AQR: variants seen among roughly 807,000 people sequenced by gnomAD.
AQR encodes the protein aquarius intron-binding spliceosomal factor.
Under a neutral mutation model 180.5 loss-of-function variants are expected in AQR, and 61 were observed. The ratio of observed to expected loss-of-function variants is 0.34; its 90% confidence interval spans 0.28 to 0.42. The LOEUF (loss-of-function observed/expected upper bound fraction) is 0.42, where lower values mean the gene tolerates loss of function less well. AQR is among the 10% of genes least tolerant of loss of function. AQR has a pLI of 1.00. For missense variants in AQR, 1,281 were observed against 1,798.3 expected (o/e 0.71, Z 5.20); for synonymous variants, 551 against 588.8 (o/e 0.94, Z 0.93).
intron 27 of AQR, among the ~76,000 whole-genome samples, chr15:34,881,639 G>C (rs924512130): frequency 4.6e-5 from 7 of 152,124 alleles, no homozygotes; most frequent in African/African-American, 1.2e-4. Context: ...TTTATCATAT[G>C]ATGAAACCAT....
chr15:34,884,343 T>C (rs1382276182), intron 26 of AQR, among the ~76,000 whole-genome samples, 182 bp downstream of exon 26: 4 of 151,016 alleles, frequency 2.6e-5, no homozygotes, highest in East Asian at 1.9e-4. Context: ...GAGGTGGAGG[T>C]TGCAGTGAGC....
intron 11 of AQR, among the ~76,000 whole-genome samples, chr15:34,931,801 G>A (rs748936096): frequency 2.0e-4 from 31 of 152,250 alleles, no homozygotes; most frequent in Middle Eastern, 3.4e-3. Context: ...GTGACAGAGC[G>A]AACTGTGTCT....
chr15:34,884,011 C>A (rs939398145), intron 26 of AQR, among the ~76,000 whole-genome samples: 7 of 152,142 alleles, frequency 4.6e-5, no homozygotes, highest in Non-Finnish European at 8.8e-5. Context: ...AATTTCTTGA[C>A]GGAAGCATTC....
At chr15:34,885,066 AT>A (rs1376576338) in intron 25 of AQR, among the ~76,000 whole-genome samples, 1 of 152,338 alleles carries the variant, frequency 6.6e-6, no homozygotes, top group East Asian at 1.9e-4. Context: ...CTTAAAAGAA[AT>A]GTAAAGGAAA....
Position 34,860,164 on chromosome 15 carries a change from A to T in AQR, c.4030-9T>A. 1 of 1,426,186 alleles carries T rather than the reference A, an allele frequency of 7.0e-7. No homozygotes were observed. The highest frequency in any genetic ancestry group is 9.5e-7 in the Non-Finnish European group (1 of 1,057,800). 88.3% of individuals were successfully genotyped at this position (1,426,186 alleles called of 1,614,324 possible). A position where few individuals can be genotyped will look rare whatever the true frequency, so the allele number is the denominator to read the frequency against. ...GATGGTCTCTCTCCATTCTAGAAGA[A>T]GGAAAAAAGAACGTTAAGTATCTAG... On this transcript the variant is annotated splice_polypyrimidine_tract_variant and intron_variant, in intron 33 of 34. Coordinates refer to ENST00000156471, the MANE Select transcript of AQR (RefSeq NM_014691.3).
At position 34,940,958 on chromosome 15, in the gene AQR, T is replaced by C. The variant is rs774338836; in HGVS notation, c.582A>G (p.Arg194=). The change falls in exon 8 of 35, where the codon AGA becomes AGG. Residue 194 remains arginine, a synonymous_variant. Transcript: ENST00000156471. ...TCTTTTTAATCAAGTTCCAGAATTTTCTTAGCTTAGGTGTCTTTTTTAATT... is the reference window on the plus strand; with the variant it reads ...TCTTTTTAATCAAGTTCCAGAATTTCCTTAGCTTAGGTGTCTTTTTTAATT... ...ELELKKTPKL[R]KFWNLIKKND... 7 of 1,611,506 alleles carry C rather than the reference T, an allele frequency of 4.3e-6. No individual in the cohort carries two copies. Among genetic ancestry groups the C allele is most frequent in the Non-Finnish European group, 5.9e-6 (7 of 1,178,906 alleles).
chr15:34,949,053 C>T (rs1451961904), intron 4 of AQR, among the ~76,000 whole-genome samples: 1 of 151,718 alleles, frequency 6.6e-6, no homozygotes, highest in Non-Finnish European at 1.5e-5. Flanking sequence ...AGTACAATGG[C>T]GTAATCTTGG....
chr15:34,898,565 G>T (rs1177011175), intron 20 of AQR, among the ~76,000 whole-genome samples: 6 of 152,180 alleles, frequency 3.9e-5, no homozygotes, highest in Admixed American at 3.3e-4. Context: ...AGGGCCTAAA[G>T]AGGGAGCAGT....
chr15:34,901,333 T>C (rs1893328355), intron 19 of AQR, among the ~76,000 whole-genome samples: 1 of 151,996 alleles, frequency 6.6e-6, no homozygotes, highest in South Asian at 2.1e-4. Context: ...TCAATTGTGA[T>C]GAAACGTCAC....
chr15:34,883,982 G>T (rs1421246671), intron 26 of AQR, among the ~76,000 whole-genome samples: 1 of 152,170 alleles, frequency 6.6e-6, no homozygotes, highest in Admixed American at 6.5e-5. Context: ...TCAAATTCCA[G>T]TTCAAAGAAC....
intron 30 of AQR, among the ~76,000 whole-genome samples, chr15:34,872,001 A>C: frequency 6.6e-6 from 1 of 152,016 alleles, no homozygotes; most frequent in East Asian, 1.9e-4. Flanking sequence ...AAGGCAACCG[A>C]AAGATTACTG....
intron 8 of AQR, 71 bp from the exon 9 acceptor site, chr15:34,938,884 G>C: frequency 9.0e-7 from 1 of 1,110,720 alleles, no homozygotes; most frequent in Non-Finnish European, 1.3e-6. Flanking sequence ...TTTAAATGTT[G>C]ACCACGGCTT....
chr15:34,948,100 C>A, intron 5 of AQR, 164 bp downstream of exon 5: 2 of 704,382 alleles, frequency 2.8e-6, no homozygotes, highest in South Asian at 3.5e-5. Flanking sequence ...GTATTGAAAC[C>A]AAAAGAAAAC....
At chr15:34,860,206 G>A in intron 33 of AQR, 51 bp from the exon 34 acceptor site, 2 of 906,444 alleles carry the variant, frequency 2.2e-6, no homozygotes, top group South Asian at 2.3e-5. Flanking sequence ...AACCCTAGAA[G>A]GTAACACTTC....
rs34623885 is a variant in AQR at position 34,896,543 on chromosome 15, T to TAAAA, written c.2460+350_2460+353dup. Among the ~76,000 whole-genome samples, 1,270 of 135,510 alleles carry TAAAA rather than the reference T, an allele frequency of 9.4e-3. 22 individuals are homozygous for TAAAA. Among genetic ancestry groups the TAAAA allele is most frequent in the African/African-American group, 0.033 (1,227 of 37,360 alleles). 88.9% of individuals were successfully genotyped at this position (135,510 alleles called of 152,430 possible). A position where few individuals can be genotyped will look rare whatever the true frequency, so the allele number is the denominator to read the frequency against. On this transcript the variant is annotated intron_variant, in intron 22 of 34. Coordinates refer to ENST00000156471, the MANE Select transcript of AQR (RefSeq NM_014691.3). ...ACTTACTTCTAGTCTTAATCTATGT[T>TAAAA]AAAAAAAAAAAAAAAAAGGTGTGGC...
chr15:34,906,850 T>C, intron 17 of AQR, 138 bp from the exon 18 acceptor site: 1 of 742,634 alleles, frequency 1.3e-6, no homozygotes, highest in Non-Finnish European at 2.1e-6. Context: ...ATTATCGCAT[T>C]GTAACACAAT....
In AQR at chr15:34,890,207, T is replaced by C. The variant is rs1307211532; in HGVS notation, c.2681+8A>G. On this transcript the variant is annotated splice_region_variant and intron_variant, in intron 24 of 34. Coordinates refer to ENST00000156471, the MANE Select transcript of AQR (RefSeq NM_014691.3). Reference sequence around the variant, plus strand: ...TTTTTACACTGTTACTCACTCCCATTTGCTCACCTGCTGAAATCTTTCTCT... The same window carrying C: ...TTTTTACACTGTTACTCACTCCCATCTGCTCACCTGCTGAAATCTTTCTCT... 1.2e-6 allele frequency: 2 copies of C among 1,608,866 alleles called. No homozygotes were observed. The highest frequency in any genetic ancestry group is 1.7e-6 in the Non-Finnish European group (2 of 1,177,872).
chr15:34,951,451 T>A (rs991830888), intron 4 of AQR, among the ~76,000 whole-genome samples: 1 of 152,072 alleles, frequency 6.6e-6, no homozygotes, highest in African/African-American at 2.4e-5. Context: ...AGGCAGGCAA[T>A]CACAAGTTCA....
At chr15:34,914,752 A>T (rs1392012738) in intron 16 of AQR, among the ~76,000 whole-genome samples, 1 of 151,390 alleles carries the variant, frequency 6.6e-6, no homozygotes. Flanking sequence ...GGTCTGACCT[A>T]CTCCCTCTAC....
Sources: gnomAD v4.1 joint callset for allele counts (sites outside exome capture counted in the v4.1 genomes callset) on GRCh38, gnomAD v4.1.1 for gene constraint, MANE v1.5 for transcripts, NCBI Gene and HGNC (gene_info 2026-07-23, HGNC 2026-07-21) for gene names.